Variants in SUFU observed in about 807,000 individuals in gnomAD.
SUFU encodes suppressor of fused homolog.
In SUFU, 7 loss-of-function variants were observed where a neutral mutation model predicts 58.9. The ratio of observed to expected loss-of-function variants is 0.12; its 90% CI spans 0.07 to 0.22. The LOEUF (loss-of-function observed/expected upper bound fraction) is 0.22. SUFU is among the 10% of genes least tolerant of loss of function. The pLI is 1.00. For missense variants in SUFU, 451 were observed against 641.3 expected, an observed-to-expected ratio of 0.70 and a Z score of 3.20; for synonymous variants, 232 against 254.8, an observed-to-expected ratio of 0.91 and a Z score of 0.85.
At chr10:102,525,634 C>G (rs2062600979) in intron 2 of SUFU, among the ~76,000 whole-genome samples, 1 of 151,978 alleles carries the variant, frequency 6.6e-6, no homozygotes, top group African/African-American at 2.4e-5. Context: ...TCCTGAGTAG[C>G]TGGGATTACA....
chr10:102,549,913 G>A (rs1298600844), intron 2 of SUFU, 57 bp from the exon 3 acceptor site: 28 of 1,610,212 alleles, frequency 1.7e-5, no homozygotes, highest in Non-Finnish European at 2.2e-5. Context: ...AGACTTTCAA[G>A]AGAGTGTTTT....
chr10:102,569,283 C>T (rs1229104970), intron 3 of SUFU, among the ~76,000 whole-genome samples: 1 of 152,102 alleles, frequency 6.6e-6, no homozygotes, highest in Non-Finnish European at 1.5e-5. Context: ...GTGTTCTCAC[C>T]TGTAGTCATG....
At chr10:102,627,025 C>T in intron 10 of SUFU, 150 bp from the exon 11 acceptor site, 1 of 800,934 alleles carries the variant, frequency 1.2e-6, no homozygotes, top group Non-Finnish European at 2.1e-6. Flanking sequence ...CAGCTGGGGA[C>T]AGGCCTCAAA....
In SUFU at chr10:102,592,571, C is replaced by T. The variant is rs2135866530; in HGVS notation, c.455-11C>T. 1 of 1,614,064 alleles carries T rather than the reference C, an allele frequency of 6.2e-7. No individual in the cohort carries two copies. The highest frequency in any genetic ancestry group is 1.3e-5 in the African/African-American group (1 of 75,066). On this transcript the variant is annotated splice_polypyrimidine_tract_variant and intron_variant, in intron 3 of 11. Transcript: ENST00000369902. ...CCTTGAACAATGAGGATCCTTGTAT[C>T]TCTCCCACAGAGAACACCTTCTGCA...
At chr10:102,605,912 C>T (rs1287429742) in intron 8 of SUFU, among the ~76,000 whole-genome samples, 2 of 152,172 alleles carry the variant, frequency 1.3e-5, no homozygotes, top group African/African-American at 4.8e-5. Flanking sequence ...GGCCCCAAGT[C>T]GTGTGTCCAC....
chr10:102,612,055 A>C (rs573620510), intron 8 of SUFU, among the ~76,000 whole-genome samples: 7 of 152,382 alleles, frequency 4.6e-5, no homozygotes, highest in Non-Finnish European at 8.8e-5. Context: ...ACAACCATGC[A>C]AAACATTGCA....
At chr10:102,508,019 G>A (rs2062351414) in intron 1 of SUFU, among the ~76,000 whole-genome samples, 1 of 144,956 alleles carries the variant, frequency 6.9e-6, no homozygotes, top group South Asian at 2.1e-4. Flanking sequence ...AGGCTGGAGT[G>A]CAGTGGCGCA....
At chr10:102,535,860 C>T (rs145181472) in intron 2 of SUFU, among the ~76,000 whole-genome samples, 1 of 152,262 alleles carries the variant, frequency 6.6e-6, no homozygotes, top group East Asian at 1.9e-4. Flanking sequence ...AAGCCTTGCA[C>T]GCTAGACCTG....
chr10:102,565,864 C>G (rs145631077), intron 3 of SUFU, among the ~76,000 whole-genome samples: 40 of 152,252 alleles, frequency 2.6e-4, no homozygotes, highest in African/African-American at 9.6e-4. Flanking sequence ...TTATTTGATA[C>G]AGGCATTCAG....
chr10:102,624,316 T>C (rs1052977603), intron 10 of SUFU, among the ~76,000 whole-genome samples: 1 of 152,184 alleles, frequency 6.6e-6, no homozygotes, highest in Non-Finnish European at 1.5e-5. Flanking sequence ...CTATCTCCAG[T>C]GTCCTGTTGA....
At chr10:102,543,023 C>CTA (rs1234155052) in intron 2 of SUFU, among the ~76,000 whole-genome samples, 2 of 152,206 alleles carry the variant, frequency 1.3e-5, no homozygotes, top group Non-Finnish European at 2.9e-5. Flanking sequence ...AGTCATTCTC[C>CTA]TATAAATGGG....
At chr10:102,514,733 T>C (rs1253266669) in intron 2 of SUFU, among the ~76,000 whole-genome samples, 1 of 152,184 alleles carries the variant, frequency 6.6e-6, no homozygotes, top group Admixed American at 6.5e-5. Flanking sequence ...AATGTGGGGA[T>C]CTATGCGGCT....
chr10:102,550,094 G>A lies in SUFU; in HGVS notation c.442G>A (p.Val148Met), dbSNP rs763813479. ...AELMQGLARY[V>M]FQSENTFCSG... ...GTTAATGCAGGGCTTGGCACGATAC[G>A]TGTTCCAGTCAGGTAGGAGGCCAGG... is the stretch of plus-strand genomic sequence containing the variant. Residue 148 changes from valine (V) to methionine (M), a missense_variant, in exon 3 of 12, where the codon GTG (valine) becomes ATG (methionine). Transcript: ENST00000369902. The A allele has an allele frequency of 5.0e-6, 8 of 1,614,166 alleles. No homozygotes were observed. The highest frequency in any genetic ancestry group is 1.7e-5 in the Admixed American group (1 of 60,016).
At chr10:102,525,072 G>A (rs988869979) in intron 2 of SUFU, among the ~76,000 whole-genome samples, 9 of 152,068 alleles carry the variant, frequency 5.9e-5, no homozygotes, top group Non-Finnish European at 1.3e-4. Context: ...TGTGATTTTG[G>A]AAAAATTGTC....
intron 1 of SUFU, among the ~76,000 whole-genome samples, chr10:102,506,471 C>T (rs986917992): frequency 1.3e-5 from 2 of 152,116 alleles, no homozygotes; most frequent in South Asian, 2.1e-4. Flanking sequence ...CTCTGTCTCC[C>T]GGTTTCAAGC....
intron 2 of SUFU, among the ~76,000 whole-genome samples, chr10:102,528,839 C>T (rs145972886): frequency 9.9e-5 from 15 of 152,170 alleles, no homozygotes; most frequent in African/African-American, 2.9e-4. Flanking sequence ...TGGGGTATAG[C>T]GCAAAGAAAG....
At position 102,516,128 on chromosome 10, in the gene SUFU, T is replaced by TTC. The variant is rs1554842267; in HGVS notation, c.317+6826_317+6827insCT. ...TTTCTTTTTCTTTCTTTCTTTTCTT[T>TTC]TTTTTTTTTTTTTTTGAGATAGAGT... On this transcript the variant is annotated intron_variant, in intron 2 of 11. Transcript: ENST00000369902. Among the ~76,000 whole-genome samples the TTC allele has an allele frequency of 1.3e-4, 8 of 61,864 alleles. 1 individual carries two copies. The highest frequency in any genetic ancestry group is 5.3e-4 in the African/African-American group (8 of 14,970). The allele number at this position is 61,864 out of a possible 152,430, so 40.6% of individuals were successfully genotyped here. A position where few individuals can be genotyped will look rare whatever the true frequency, so the allele number is the denominator to read the frequency against.
intron 2 of SUFU, among the ~76,000 whole-genome samples, chr10:102,518,503 A>G (rs1028931323): frequency 1.4e-4 from 17 of 124,072 alleles, no homozygotes; most frequent in South Asian, 5.4e-4. Flanking sequence ...CTATCTATCT[A>G]ACTGTCTGTC....
In SUFU at chr10:102,628,115, C is replaced by G. The variant is rs572677917; in HGVS notation, c.1365+872C>G. On this transcript the variant is annotated intron_variant, in intron 11 of 11. Transcript: ENST00000369902. The surrounding 1 kb of genome is among the most constrained non-coding windows in gnomAD (Gnocchi z 4.5). ...AGGAAATGTGCTTGGGGGAGAACTCCTTCGCCTCCCAGGGGCCAGGCTTTC... is the reference window on the plus strand; with the variant it reads ...AGGAAATGTGCTTGGGGGAGAACTCGTTCGCCTCCCAGGGGCCAGGCTTTC... 5.9e-5 allele frequency among the ~76,000 whole-genome samples: 9 copies of G among 152,254 alleles called. No homozygotes were observed. The highest frequency in any genetic ancestry group is 2.2e-4 in the African/African-American group (9 of 41,544).
Sources: gnomAD v4.1 joint callset for allele counts (sites outside exome capture counted in the v4.1 genomes callset) on GRCh38, gnomAD v4.1.1 for gene constraint, Gnocchi (gnomAD v3.1) non-coding constraint, MANE v1.5 for transcripts, NCBI Gene and HGNC (gene_info 2026-07-23, HGNC 2026-07-21) for gene names.